Variants in SPECC1 observed in about 807,000 individuals in gnomAD.
SPECC1 encodes sperm antigen with calponin homology and coiled-coil domains 1.
A neutral mutation model predicts 104.1 loss-of-function variants in SPECC1; 62 were observed. That is an observed-to-expected ratio of 0.60 (90% confidence interval 0.49 to 0.74). The LOEUF (loss-of-function observed/expected upper bound fraction) is 0.74. Ranked by LOEUF, SPECC1 falls within the 30% of genes least tolerant of loss-of-function variation. SPECC1 has a pLI of 0.00. For synonymous variants in SPECC1, 513 were observed against 501.6 expected (o/e 1.02, Z -0.30); for missense variants, 1,306 against 1,310.5 (o/e 1.00, Z 0.05).
At chr17:20,016,165 C>T (rs369172174) in intron 1 of SPECC1, among the ~76,000 whole-genome samples, 2 of 149,898 alleles carry the variant, frequency 1.3e-5, no homozygotes, top group East Asian at 2.0e-4. Flanking sequence ...TTGCAGTGAG[C>T]CAGGATGGCA....
chr17:20,101,000 C>CT (rs1017971420), intron 2 of SPECC1, among the ~76,000 whole-genome samples: 2 of 152,156 alleles, frequency 1.3e-5, no homozygotes, highest in African/African-American at 4.8e-5. Context: ...TGAACTCATT[C>CT]TTTTTTATGG....
Position 20,205,924 on chromosome 17 carries a change from C to A in SPECC1, c.1863+12C>A. 6.3e-7 allele frequency: 1 copy of A among 1,595,346 alleles called. No homozygotes were observed. Among genetic ancestry groups the A allele is most frequent in the South Asian group, 1.1e-5 (1 of 88,838 alleles). Reference sequence around the variant, plus strand: ...GTCTGCTGGCCAAGGTGAGAAGAGACAGCTCTTTACTGGTATTTGCTCATC... The same window carrying A: ...GTCTGCTGGCCAAGGTGAGAAGAGAAAGCTCTTTACTGGTATTTGCTCATC... On this transcript the variant is annotated intron_variant, in intron 4 of 14. Coordinates refer to ENST00000395527, the MANE Select transcript of SPECC1 (RefSeq NM_001243439.2).
At position 20,110,610 on chromosome 17, in the gene SPECC1, G is replaced by A. The variant is rs754353004; in HGVS notation, c.283+48G>A. On this transcript the variant is annotated intron_variant, in intron 3 of 14. Coordinates refer to ENST00000395527, the MANE Select transcript of SPECC1 (RefSeq NM_001243439.2). ...GCTCGGCAGGCCATCAGTCCTGGCCGCATGGAAGCACTTCAGTGACCCATG... is the reference window on the plus strand; with the variant it reads ...GCTCGGCAGGCCATCAGTCCTGGCCACATGGAAGCACTTCAGTGACCCATG... 8.4e-6 allele frequency: 13 copies of A among 1,549,714 alleles called. No individual in the cohort carries two copies. The Admixed American group carries it at 1.2e-4, about 14-fold the overall frequency.
chr17:20,191,980 A>T (rs886586176), intron 3 of SPECC1, among the ~76,000 whole-genome samples: 1 of 152,000 alleles, frequency 6.6e-6, no homozygotes, highest in Admixed American at 6.6e-5. Flanking sequence ...TCTGTTGTGC[A>T]GGCTGGAGTG....
At chr17:20,289,361 G>T (rs1933907653) in intron 12 of SPECC1, among the ~76,000 whole-genome samples, 1 of 151,970 alleles carries the variant, frequency 6.6e-6, no homozygotes, top group African/African-American at 2.4e-5. Flanking sequence ...GAGGGCAGGG[G>T]CGCCATCTAG....
intron 3 of SPECC1, among the ~76,000 whole-genome samples, chr17:20,134,534 C>T (rs1321339187): frequency 1.3e-5 from 2 of 152,114 alleles, no homozygotes; most frequent in Admixed American, 1.3e-4. Context: ...AAATGTGCTT[C>T]GTACTTCTAG....
intron 7 of SPECC1, among the ~76,000 whole-genome samples, chr17:20,233,606 C>T (rs2038731573): frequency 6.6e-6 from 1 of 152,126 alleles, no homozygotes; most frequent in African/African-American, 2.4e-5. Context: ...ACTACTGAGC[C>T]CAGGAGATTC....
intron 9 of SPECC1, among the ~76,000 whole-genome samples, chr17:20,251,175 C>T (rs1462793994): frequency 2.2e-5 from 3 of 137,130 alleles, no homozygotes; most frequent in Middle Eastern, 4.1e-3. Flanking sequence ...TTGCAGTCAC[C>T]TGAGATCATT....
intron 3 of SPECC1, among the ~76,000 whole-genome samples, chr17:20,195,921 A>G (rs2036003714): frequency 6.6e-6 from 1 of 152,232 alleles, no homozygotes; most frequent in Admixed American, 6.5e-5. Context: ...AATTTATAGA[A>G]AAGCTGAATA....
chr17:20,014,706 A>T (rs1295850272), intron 1 of SPECC1, among the ~76,000 whole-genome samples: 2 of 151,834 alleles, frequency 1.3e-5, no homozygotes, highest in African/African-American at 4.8e-5. Flanking sequence ...GAAGCTTTAC[A>T]ATTTTTTTTC....
chr17:20,313,951 T>A, intron 14 of SPECC1, 25 bp from the exon 15 acceptor site: 1 of 1,609,998 alleles, frequency 6.2e-7, no homozygotes, highest in Non-Finnish European at 8.5e-7. Flanking sequence ...CCTTGTGATC[T>A]GTCCCCCATT....
chr17:20,131,898 C>T (rs558028116), intron 3 of SPECC1, among the ~76,000 whole-genome samples: 11 of 152,256 alleles, frequency 7.2e-5, no homozygotes, highest in South Asian at 6.2e-4. Context: ...AATCCCCGCC[C>T]GCCTTGGCCT....
At chr17:20,017,758 G>A (rs1334850677) in intron 1 of SPECC1, among the ~76,000 whole-genome samples, 8 of 151,888 alleles carry the variant, frequency 5.3e-5, no homozygotes, top group Non-Finnish European at 1.2e-4. Flanking sequence ...TTTATTTCTT[G>A]GTATATCACA....
At chr17:20,032,134 ATAAGTGATGTTCTTTTG>A (rs1220739862) in intron 1 of SPECC1, among the ~76,000 whole-genome samples, 37 of 150,252 alleles carry the variant, frequency 2.5e-4, no homozygotes. Flanking sequence ...TGGTTCTTTT[ATAAGTGATGTTCTTTTG>A]TAAGTGAGGT....
chr17:20,051,121 T>TTTCC (rs2045750761), intron 1 of SPECC1, among the ~76,000 whole-genome samples: 18 of 113,590 alleles, frequency 1.6e-4, no homozygotes, highest in African/African-American at 5.5e-4. Flanking sequence ...TCTTTCTTTC[T>TTTCC]TTCTTTCTTT....
chr17:20,116,802 A>ATTTT (rs2048777804), intron 3 of SPECC1, among the ~76,000 whole-genome samples: 7 of 62,146 alleles, frequency 1.1e-4, no homozygotes, highest in Admixed American at 2.2e-4. Context: ...GTGTCTGGAG[A>ATTTT]CTTTTTTTTT....
At chr17:20,291,786 C>T (rs1369973892) in intron 12 of SPECC1, among the ~76,000 whole-genome samples, 3 of 152,084 alleles carry the variant, frequency 2.0e-5, no homozygotes, top group African/African-American at 7.2e-5. Context: ...CTCAAGTGAT[C>T]TGCCTGCATT....
In SPECC1 at chr17:20,282,670, C is replaced by T. The variant is rs2040815066; in HGVS notation, c.2941-14291C>T. 2.0e-5 allele frequency among the ~76,000 whole-genome samples: 3 copies of T among 152,158 alleles called. No homozygotes were observed. In the South Asian group the frequency reaches 6.2e-4, roughly 32 times the overall value. On this transcript the variant is annotated intron_variant, in intron 12 of 14. Transcript: ENST00000395527. Reference sequence around the variant, plus strand: ...AAGCCACGGCAGAGGAGACCCCCTTCACACGTCATTCTGCCCACCGTAGCG... The same window carrying T: ...AAGCCACGGCAGAGGAGACCCCCTTTACACGTCATTCTGCCCACCGTAGCG...
At chr17:20,030,706 A>T (rs1034547118) in intron 1 of SPECC1, among the ~76,000 whole-genome samples, 7 of 152,198 alleles carry the variant, frequency 4.6e-5, no homozygotes, top group African/African-American at 1.7e-4. Context: ...GTGAGAATTC[A>T]GATTACCCTC....
Sources: gnomAD v4.1 joint callset for allele counts (sites outside exome capture counted in the v4.1 genomes callset) on GRCh38, gnomAD v4.1.1 for gene constraint, MANE v1.5 for transcripts, NCBI Gene and HGNC (gene_info 2026-07-23, HGNC 2026-07-21) for gene names.